RTTN: variants seen among roughly 807,000 people sequenced by gnomAD.
RTTN encodes the protein rotatin.
Under a neutral mutation model 269.2 loss-of-function variants are expected in RTTN, and 182 were observed. The observed-to-expected ratio is 0.68, with a 90% CI of 0.60 to 0.76. RTTN has a LOEUF of 0.76. Among genes scored for constraint, RTTN ranks in the 30% least tolerant of loss-of-function variants. The probability of loss-of-function intolerance (pLI) is 0.00; values close to 1 mark genes in which losing one functional copy is unlikely to be tolerated. For missense variants in RTTN, 2,545 were observed against 2,608.6 expected (o/e 0.98, Z 0.53); for synonymous variants, 1,006 against 963.5 (o/e 1.04, Z -0.82).
intron 3 of RTTN, 127 bp from the exon 4 acceptor site, chr18:70,202,110 GT>G (rs1291614336): frequency 1.8e-5 from 10 of 564,946 alleles, no homozygotes; most frequent in Admixed American, 3.7e-5. Flanking sequence ...AAAAAGTCCA[GT>G]TTTTTTTCTG....
intron 26 of RTTN, among the ~76,000 whole-genome samples, chr18:70,116,170 A>G (rs2059598239): frequency 6.6e-6 from 1 of 152,034 alleles, no homozygotes; most frequent in African/African-American, 2.4e-5. Context: ...GCTGACTCAC[A>G]TTCACGTGCC....
rs1555752782 is a variant in RTTN at position 70,142,411 on chromosome 18, A to AAC, written c.2482-25_2482-24insGT. ...AACTACAAACCAAAAAAAAAAAAAA[A>AAC]CCAAAATTACATTTATCTGCTTCCA... On this transcript the variant is annotated intron_variant, in intron 18 of 48. Coordinates refer to ENST00000640769, the MANE Select transcript of RTTN (RefSeq NM_173630.4). 2.9e-3 allele frequency: 2,880 copies of AAC among 1,001,416 alleles called. 6 individuals carry two copies. Among genetic ancestry groups the AAC allele is most frequent in the South Asian group, 3.6e-3 (247 of 67,954 alleles). The allele number at this position is 1,001,416 out of a possible 1,614,324, so 62.0% of individuals were successfully genotyped here.
intron 8 of RTTN, 112 bp downstream of exon 8, chr18:70,193,176 C>CAA (rs35759421): frequency 0.012 from 7,573 of 653,502 alleles, no homozygotes; most frequent in Non-Finnish European, 0.013. Flanking sequence ...GTTAATGTTT[C>CAA]AAAAAAAAAA....
chr18:70,130,696 A>T (rs2059976621), intron 23 of RTTN: 1 of 151,982 alleles, frequency 6.6e-6, no homozygotes, highest in Non-Finnish European at 1.5e-5. Context: ...AAATTTAGAT[A>T]GAAGGAATAA....
At chr18:70,095,085 G>C (rs958023674) in intron 28 of RTTN, among the ~76,000 whole-genome samples, 2 of 148,812 alleles carry the variant, frequency 1.3e-5, no homozygotes, top group African/African-American at 4.9e-5. Context: ...ATCTTTGTTG[G>C]TTTAAAATCT....
chr18:70,014,612 G>A (rs1415616542), intron 46 of RTTN, among the ~76,000 whole-genome samples: 2 of 152,120 alleles, frequency 1.3e-5, no homozygotes, highest in Non-Finnish European at 2.9e-5. Flanking sequence ...CCAAGTTCAC[G>A]GCCAACTTTG....
intron 42 of RTTN, among the ~76,000 whole-genome samples, chr18:70,029,778 C>T (rs943385894): frequency 6.6e-6 from 1 of 152,008 alleles, no homozygotes; most frequent in African/African-American, 2.4e-5. Flanking sequence ...GTGGATATTT[C>T]CAATGTTTAT....
At chr18:70,145,950 T>G (rs756214257) in intron 17 of RTTN, among the ~76,000 whole-genome samples, 167 bp from the exon 18 acceptor site, 2 of 152,222 alleles carry the variant, frequency 1.3e-5, no homozygotes, top group Non-Finnish European at 2.9e-5. Context: ...TTCTTCGATA[T>G]ATAATTATAA....
intron 40 of RTTN, among the ~76,000 whole-genome samples, chr18:70,037,012 G>C (rs1475288650): frequency 1.3e-5 from 2 of 152,328 alleles, no homozygotes; most frequent in East Asian, 3.9e-4. Context: ...ACTTCACACT[G>C]AATTCAGTGC....
intron 47 of RTTN, chr18:70,005,997 G>C (rs533283098): frequency 1.2e-5 from 2 of 166,406 alleles, no homozygotes; most frequent in East Asian, 3.4e-4. Flanking sequence ...CAAGAACTGA[G>C]CTAGATAAAG....
chr18:70,196,514 G>A lies in RTTN; in HGVS notation c.828C>T (p.Phe276=). Residue 276 remains phenylalanine (F), a synonymous_variant, in exon 7 of 49, where the codon TTC becomes TTT. Coordinates refer to ENST00000640769, the MANE Select transcript of RTTN (RefSeq NM_173630.4). ...RLNFHRDPGF[F]SNKHDTVSQN... ...AAAAATAAATACCGTGTTTATTGGA[G>A]AAAAAACCTGGATCTCGGTGAAAGT... 6.2e-7 allele frequency: 1 copy of A among 1,610,044 alleles called. No homozygotes were observed. The highest frequency in any genetic ancestry group is 1.1e-5 in the South Asian group (1 of 90,276).
Position 70,127,631 on chromosome 18 carries a change from T to A in RTTN, c.3254A>T (p.His1085Leu), listed in dbSNP as rs774089713. The A allele has an allele frequency of 1.2e-6, 2 of 1,613,532 alleles. No individual in the cohort carries two copies. The highest frequency in any genetic ancestry group is 1.7e-6 in the Non-Finnish European group (2 of 1,179,754). The change falls in exon 25 of 49, where the codon CAC becomes CTC. Residue 1085 changes from histidine (H) to leucine (L), a missense_variant. By Grantham distance (99) the His-to-Leu change is moderately conservative. Coordinates refer to ENST00000640769, the MANE Select transcript of RTTN (RefSeq NM_173630.4). ...CLHSIVQAAT[H>L]REVRAAVTRM... ...GGTGACAGCAGCCCTAACTTCCCTG[T>A]GGGTTGCAGCCTGAACAATGGAATG...
chr18:70,155,536 C>CAG (rs1224180033), intron 14 of RTTN, among the ~76,000 whole-genome samples: 1 of 152,238 alleles, frequency 6.6e-6, no homozygotes, highest in Non-Finnish European at 1.5e-5. Context: ...AGGCATGGAG[C>CAG]AGCCCACTCT....
chr18:70,196,452 A>C lies in RTTN; in HGVS notation c.841+49T>G, dbSNP rs184542878. On this transcript the variant is annotated intron_variant, in intron 7 of 48. Coordinates refer to ENST00000640769, the MANE Select transcript of RTTN (RefSeq NM_173630.4). ...GTAACTATAATGGAAGGTTCCCAGA[A>C]GAATCTACAAATAACACCAGTGGCT... The C allele has an allele frequency of 9.1e-6, 14 of 1,534,422 alleles. No homozygotes were observed. In the African/African-American group the frequency reaches 1.5e-4, roughly 17 times the overall value.
At chr18:70,033,029 G>A (rs1381806454) in intron 40 of RTTN, among the ~76,000 whole-genome samples, 1 of 152,240 alleles carries the variant, frequency 6.6e-6, no homozygotes, top group Non-Finnish European at 1.5e-5. Flanking sequence ...AGTCCCCAAT[G>A]TTGGGAACTG....
intron 48 of RTTN, 52 bp from the exon 49 acceptor site, chr18:70,004,288 T>G (rs751056993): frequency 7.7e-7 from 1 of 1,290,806 alleles, no homozygotes; most frequent in Non-Finnish European, 1.1e-6. Flanking sequence ...AACTTGGTAC[T>G]ATACTTAGGA....
At chr18:70,022,418 C>A (rs770430035) in intron 44 of RTTN, among the ~76,000 whole-genome samples, 11 of 152,138 alleles carry the variant, frequency 7.2e-5, no homozygotes, top group Non-Finnish European at 1.6e-4. Context: ...CTCTTACCTG[C>A]ACTCTTTCCT....
chr18:70,108,876 T>G (rs1241152697), intron 28 of RTTN, among the ~76,000 whole-genome samples: 2 of 147,820 alleles, frequency 1.4e-5, no homozygotes, highest in African/African-American at 4.9e-5. Flanking sequence ...AAAAAAAAAC[T>G]ATAAACAGCA....
At chr18:70,051,026 T>A (rs987889244) in intron 39 of RTTN, among the ~76,000 whole-genome samples, 2 of 152,066 alleles carry the variant, frequency 1.3e-5, no homozygotes, top group African/African-American at 4.8e-5. Context: ...ATGGCACATG[T>A]ATTCCTATGT....
Sources: allele counts gnomAD v4.1 joint callset (sites outside exome capture counted in the v4.1 genomes callset), GRCh38; gene constraint gnomAD v4.1.1; transcripts MANE v1.5; gene names NCBI Gene and HGNC (gene_info 2026-07-23, HGNC 2026-07-21).